OTOG: variants seen among roughly 807,000 people sequenced by gnomAD.
OTOG encodes the protein otogelin.
Under a neutral mutation model 313.8 loss-of-function variants are expected in OTOG, and 296 were observed. That is an observed-to-expected ratio of 0.94 (90% CI 0.86 to 1.04). The LOEUF (loss-of-function observed/expected upper bound fraction) is 1.04. Among genes scored for constraint, OTOG ranks in the 50% least tolerant of loss-of-function variants. The probability of loss-of-function intolerance (pLI) is 0.00; values close to 1 mark genes in which losing one functional copy is unlikely to be tolerated. For missense variants in OTOG, 3,948 were observed against 3,840.1 expected (o/e 1.03, Z -0.74); for synonymous variants, 1,533 against 1,554.9 (o/e 0.99, Z 0.33).
At chr11:17,554,751 A>T (rs934410085) in intron 6 of OTOG, among the ~76,000 whole-genome samples, 5 of 152,182 alleles carry the variant, frequency 3.3e-5, no homozygotes, top group Non-Finnish European at 7.3e-5. Context: ...GATTTTCATG[A>T]CCTATCATTT....
rs1176851985 is a variant in OTOG, at chr11:17,609,900, C to T, written c.4600C>T (p.Leu1534=). The part of the protein sequence containing the change: ...GPTQTTLQQP[L]ELTASQLPAG... ...CACCCAGACCACCCTGCAGCAGCCA[C>T]TGGAGCTCACTGCATCTCAACTCCC... Residue 1534 remains leucine, a synonymous_variant, in exon 36 of 56, where the codon CTG becomes TTG. Transcript: ENST00000399397. 1.3e-6 allele frequency: 2 copies of T among 1,518,932 alleles called. No homozygotes were observed. The highest frequency in any genetic ancestry group is 1.8e-6 in the Non-Finnish European group (2 of 1,129,546). The allele number at this position is 1,518,932 out of a possible 1,614,324, so 94.1% of individuals were successfully genotyped here.
At chr11:17,609,309 C>G (rs1378642866) in intron 35 of OTOG, 100 bp downstream of exon 35, 1 of 1,095,140 alleles carries the variant, frequency 9.1e-7, no homozygotes, top group African/African-American at 1.6e-5. Context: ...CCCAGAGAAG[C>G]AAGATCAGCA....
At chr11:17,611,479 T>A (rs1853547809) in intron 36 of OTOG, 56 bp downstream of exon 36, 1 of 1,417,698 alleles carries the variant, frequency 7.1e-7, no homozygotes, top group Admixed American at 2.6e-5. Flanking sequence ...CTTCATCCCT[T>A]CCTCTTCCCT....
At position 17,560,760 on chromosome 11, in the gene OTOG, A is replaced by T. The variant is rs974325467; in HGVS notation, c.1394A>T (p.Glu465Val). The T allele has an allele frequency of 3.2e-6, 5 of 1,550,630 alleles. No individual in the cohort carries two copies. Among genetic ancestry groups the T allele is most frequent in the Non-Finnish European group, 4.4e-6 (5 of 1,146,998 alleles). Residue 465 changes from glutamate to valine, a missense_variant, in exon 13 of 56, where the codon GAG (glutamate) becomes GTG (valine). Physicochemically the swap from Glu to Val is moderately radical, Grantham distance 121. Coordinates refer to ENST00000399397, the MANE Select transcript of OTOG (RefSeq NM_001292063.2). Reference protein sequence around the residue: ...GCVAPAECPCEFHGTLYPPGS... With the variant: ...GCVAPAECPCVFHGTLYPPGS... ...GTGGCACCAGCTGAGTGTCCCTGTGAGTTTCACGGGACTCTGTACCCACCT... is the reference window on the plus strand; with the variant it reads ...GTGGCACCAGCTGAGTGTCCCTGTGTGTTTCACGGGACTCTGTACCCACCT...
In OTOG at chr11:17,640,786, G is replaced by T; in HGVS notation, c.7977G>T (p.Val2659=). 6.5e-7 allele frequency: 1 copy of T among 1,550,312 alleles called. No homozygotes were observed. The highest frequency in any genetic ancestry group is 1.4e-5 in the African/African-American group (1 of 73,196). The change falls in exon 50 of 56, where the codon GTG becomes GTT. Residue 2659 remains valine, a synonymous_variant. Transcript: ENST00000399397. ...SQLDEEFMHS[V]ENVCGCAKYE... is the part of the protein sequence containing the mutation. ...TGGATGAGGAGTTCATGCACAGCGT[G>T]GAGAATGTGTGTGGCTGCGCCAAGT...
At chr11:17,568,038 A>G (rs960477319) in intron 15 of OTOG, among the ~76,000 whole-genome samples, 9 of 151,908 alleles carry the variant, frequency 5.9e-5, no homozygotes, top group Middle Eastern at 3.2e-3. Flanking sequence ...CTCCCGAGTA[A>G]CTGGGACTAC....
intron 42 of OTOG, among the ~76,000 whole-genome samples, chr11:17,632,925 T>A (rs1052915791): frequency 7.2e-5 from 11 of 152,310 alleles, no homozygotes; most frequent in East Asian, 5.8e-4. Context: ...TCAGCGGGTA[T>A]GAAATCAATT....
At chr11:17,573,822 G>A (rs1327903491) in intron 19 of OTOG, among the ~76,000 whole-genome samples, 2 of 152,192 alleles carry the variant, frequency 1.3e-5, no homozygotes, top group Non-Finnish European at 2.9e-5. Flanking sequence ...AATGAAAAAG[G>A]CACTGTACTG....
chr11:17,615,277 T>C (rs142916277), intron 39 of OTOG, among the ~76,000 whole-genome samples: 9 of 152,326 alleles, frequency 5.9e-5, no homozygotes, highest in African/African-American at 2.2e-4. Context: ...CACATATAAA[T>C]CTAATTTTCC....
intron 49 of OTOG, 44 bp from the exon 50 acceptor site, chr11:17,640,701 G>A (rs1353123491): frequency 6.5e-7 from 1 of 1,533,572 alleles, no homozygotes; most frequent in East Asian, 2.4e-5. Context: ...TGAGGGCCAG[G>A]CTGGCCCCCA....
At chr11:17,576,322 C>T (rs148102579) in intron 20 of OTOG, among the ~76,000 whole-genome samples, 207 of 152,356 alleles carry the variant, frequency 1.4e-3, no homozygotes, top group African/African-American at 4.8e-3. Flanking sequence ...ACCAGTGACT[C>T]CTTGTCTAAG....
intron 33 of OTOG, among the ~76,000 whole-genome samples, chr11:17,606,528 G>A (rs909148804): frequency 6.6e-6 from 1 of 152,222 alleles, no homozygotes; most frequent in Non-Finnish European, 1.5e-5. Context: ...GCACAAGGGG[G>A]ATAGGTCTGG....
rs740318 is a variant in OTOG at position 17,609,544 on chromosome 11, C to T, written c.4355-111C>T. ...ATCTGGCCGTTAGAAGCTGCCCTCA[C>T]CCCATCACCGAGAGTGCCAGTCCTC... On this transcript the variant is annotated intron_variant, in intron 35 of 55. Coordinates refer to ENST00000399397, the MANE Select transcript of OTOG (RefSeq NM_001292063.2). 172,754 of 1,009,580 alleles carry T rather than the reference C, an allele frequency of 0.17. 16,349 individuals are homozygous for T. The highest frequency in any genetic ancestry group is 0.32 in the African/African-American group (19,684 of 60,866). The allele number at this position is 1,009,580 out of a possible 1,614,324, so 62.5% of individuals were successfully genotyped here. A position where few individuals can be genotyped will look rare whatever the true frequency, so the allele number is the denominator to read the frequency against.
rs147151205 is a variant in OTOG at position 17,589,151 on chromosome 11, A to T, written c.2868-2299A>T. Among the ~76,000 whole-genome samples the T allele has an allele frequency of 4.3e-3, 652 of 152,196 alleles. 7 individuals are homozygous for T. The highest frequency in any genetic ancestry group is 0.015 in the African/African-American group (622 of 41,520). On this transcript the variant is annotated intron_variant, in intron 24 of 55. Coordinates refer to ENST00000399397, the MANE Select transcript of OTOG (RefSeq NM_001292063.2). ...ACCTGCACCCATGCAGCTGAATGTG[A>T]CTGGAGGGATGTGCAAAACCCGGCT...
intron 9 of OTOG, 36 bp from the exon 10 acceptor site, chr11:17,558,502 C>G (rs1331899521): frequency 6.5e-7 from 1 of 1,548,906 alleles, no homozygotes; most frequent in Non-Finnish European, 8.7e-7. Flanking sequence ...GTGGCTTTGC[C>G]AGCCCCTAGC....
intron 24 of OTOG, among the ~76,000 whole-genome samples, chr11:17,590,755 A>C (rs1852912195): frequency 6.6e-6 from 1 of 151,998 alleles, no homozygotes; most frequent in Admixed American, 6.5e-5. Context: ...TGCCCTCTCC[A>C]TTCTAGCCAT....
rs766987353 is a variant in OTOG, at chr11:17,553,384, G to A, written c.405G>A (p.Glu135=). 2.7e-6 allele frequency: 4 copies of A among 1,464,086 alleles called. No homozygotes were observed. Among genetic ancestry groups the A allele is most frequent in the South Asian group, 1.4e-5 (1 of 69,552 alleles). The allele number at this position is 1,464,086 out of a possible 1,614,324, so 90.7% of individuals were successfully genotyped here. The stretch of plus-strand genomic sequence containing the variant: ...CCTCAGTGTACAATGCCGGCCCTGA[G>A]AGGGACAGCATTTGCCGGGCGTGGG... ...RCQMVYNAGP[E]RDSICRAWGQ... is the part of the protein sequence containing the mutation. The change falls in exon 6 of 56, where the codon GAG becomes GAA. Residue 135 remains glutamate (E), a synonymous_variant. Coordinates refer to ENST00000399397, the MANE Select transcript of OTOG (RefSeq NM_001292063.2).
chr11:17,622,965 G>A (rs183460869), intron 39 of OTOG, among the ~76,000 whole-genome samples: 2 of 152,274 alleles, frequency 1.3e-5, no homozygotes, highest in African/African-American at 4.8e-5. Flanking sequence ...CCCACCAAAA[G>A]TGTGAGGGTT....
intron 21 of OTOG, 116 bp from the exon 22 acceptor site, chr11:17,576,752 G>A (rs1852537000): frequency 1.4e-6 from 2 of 1,455,298 alleles, no homozygotes; most frequent in African/African-American, 2.8e-5. Context: ...GCAGGGAGGG[G>A]GAAGTGAGTG....
Sources: gnomAD v4.1 joint callset for allele counts (sites outside exome capture counted in the v4.1 genomes callset) on GRCh38, gnomAD v4.1.1 for gene constraint, MANE v1.5 for transcripts, NCBI Gene and HGNC (gene_info 2026-07-23, HGNC 2026-07-21) for gene names.